Variants in TFRC observed in about 807,000 individuals in gnomAD.
TFRC encodes transferrin receptor protein 1.
A neutral mutation model predicts 85.8 loss-of-function variants in TFRC; 35 were observed. The ratio of observed to expected loss-of-function variants is 0.41; its 90% CI spans 0.31 to 0.54. The LOEUF is 0.54. Among genes scored for constraint, TFRC ranks in the 20% least tolerant of loss-of-function variants. The pLI, the probability that TFRC is intolerant of heterozygous loss-of-function variation, is 0.31. For missense variants in TFRC, 828 were observed against 921.5 expected (o/e 0.90, Z 1.31); for synonymous variants, 362 against 328.6 (o/e 1.10, Z -1.10).
intron 7 of TFRC, 56 bp downstream of exon 7, chr3:196,069,399 C>A: frequency 1.0e-6 from 1 of 998,638 alleles, no homozygotes; most frequent in Non-Finnish European, 1.5e-6. Context: ...TATCACTTAC[C>A]TGAAGAGTAA....
At chr3:196,071,934 C>T (rs1718243258) in intron 5 of TFRC, 69 bp downstream of exon 5, 2 of 1,538,196 alleles carry the variant, frequency 1.3e-6, no homozygotes, top group African/African-American at 1.4e-5. Flanking sequence ...AACAAAAAGT[C>T]TTTGCTATAT....
intron 16 of TFRC, among the ~76,000 whole-genome samples, chr3:196,057,632 C>T (rs1160079617): frequency 1.3e-5 from 2 of 151,908 alleles, no homozygotes; most frequent in African/African-American, 4.8e-5. Flanking sequence ...AAAGTTGACA[C>T]AAGAAGATCC....
In TFRC at chr3:196,055,108, T is replaced by G. The variant is rs1221918243; in HGVS notation, c.1871A>C (p.Asp624Ala). Residue 624 changes from aspartate (D) to alanine (A), a missense_variant, in exon 17 of 19, where the codon GAT becomes GCT. Coordinates refer to ENST00000360110, the MANE Select transcript of TFRC (RefSeq NM_001128148.3). Reference protein sequence around the residue: ...YNSQLLSFVRDLNQYRADIKE... With the variant: ...YNSQLLSFVRALNQYRADIKE... ...TATGTCTGCTCTGTATTGGTTCAGA[T>G]CCCTCACAAATGAAAGCAGTTGGCT... is the stretch of plus-strand genomic sequence containing the variant. 1.2e-6 allele frequency: 2 copies of G among 1,614,062 alleles called. No homozygotes were observed. The highest frequency in any genetic ancestry group is 1.7e-6 in the Non-Finnish European group (2 of 1,180,048).
At chr3:196,081,288 T>C (rs919969471) in intron 1 of TFRC, among the ~76,000 whole-genome samples, 1 of 152,204 alleles carries the variant, frequency 6.6e-6, no homozygotes, top group Non-Finnish European at 1.5e-5. Context: ...TCAGTCGGAT[T>C]CTGCCTTGAG....
intron 1 of TFRC, among the ~76,000 whole-genome samples, chr3:196,080,957 C>T (rs72547449): frequency 6.1e-4 from 93 of 152,268 alleles, no homozygotes; most frequent in African/African-American, 2.2e-3. Context: ...CTTTAATCCT[C>T]TTATCAACGG....
rs1362339928 is a variant in TFRC at position 196,051,630 on chromosome 3, C to T, written c.*312G>A. The T allele has an allele frequency of 5.6e-6, 2 of 354,262 alleles. No individual in the cohort carries two copies. The highest frequency in any genetic ancestry group is 1.0e-5 in the Non-Finnish European group (2 of 192,514). The allele number at this position is 354,262 out of a possible 1,614,324, so 21.9% of individuals were successfully genotyped here. A position where few individuals can be genotyped will look rare whatever the true frequency, so the allele number is the denominator to read the frequency against. Reference sequence around the variant, plus strand: ...CCTTAGGATTCAGAGAGATCATTCACATAACTGGTTTCTGACATTTTCATT... The same window carrying T: ...CCTTAGGATTCAGAGAGATCATTCATATAACTGGTTTCTGACATTTTCATT... On this transcript the variant is annotated 3_prime_UTR_variant, in exon 19 of 19. Transcript: ENST00000360110.
chr3:196,070,977 G>A (rs1052864949), intron 6 of TFRC, among the ~76,000 whole-genome samples: 8 of 151,970 alleles, frequency 5.3e-5, no homozygotes, highest in Non-Finnish European at 7.4e-5. Context: ...AAGCATTAAC[G>A]AATCAAGCTA....
rs397769060 is a variant in TFRC at position 196,075,891 on chromosome 3, G to GA, written c.37-532_37-531insT. On this transcript the variant is annotated intron_variant, in intron 2 of 18. Coordinates refer to ENST00000360110, the MANE Select transcript of TFRC (RefSeq NM_001128148.3). ...CTGTAATCCCAGCACTCTGGGGGGG[G>GA]CCGAGGCACACAGATCATTTATGGT... Among the ~76,000 whole-genome samples, 76 of 151,002 alleles carry GA rather than the reference G, an allele frequency of 5.0e-4. 1 individual carries two copies. In the South Asian group the frequency reaches 0.015, roughly 30 times the overall value.
chr3:196,067,718 T>A (rs1038792545), intron 8 of TFRC, 61 bp from the exon 9 acceptor site: 11 of 1,582,164 alleles, frequency 7.0e-6, no homozygotes, highest in Non-Finnish European at 6.0e-6. Context: ...CTCTGTAAGA[T>A]TCAGGTTTGG....
rs1281483074 is a variant in TFRC at position 196,052,105 on chromosome 3, T to C, written c.2120A>G (p.His707Arg). The C allele has an allele frequency of 6.2e-7, 1 of 1,614,088 alleles. No individual in the cohort carries two copies. Among genetic ancestry groups the C allele is most frequent in the South Asian group, 1.1e-5 (1 of 91,082 alleles). ...GTTCTCCAGTAAAGCTGGCAGCGTGTGAGAGCCGGAGCCCCAGAAGACATG... is the reference window on the plus strand; with the variant it reads ...GTTCTCCAGTAAAGCTGGCAGCGTGCGAGAGCCGGAGCCCCAGAAGACATG... ...FRHVFWGSGS[H>R]TLPALLENLK... is the part of the protein sequence containing the mutation. Residue 707 changes from histidine (H) to arginine (R), a missense_variant, in exon 19 of 19, where the codon CAC becomes CGC. By Grantham distance (29) the His-to-Arg change is conservative. Coordinates refer to ENST00000360110, the MANE Select transcript of TFRC (RefSeq NM_001128148.3).
intron 1 of TFRC, among the ~76,000 whole-genome samples, chr3:196,081,272 C>G (rs1191816949): frequency 6.6e-6 from 1 of 152,200 alleles, no homozygotes; most frequent in South Asian, 2.1e-4. Flanking sequence ...TGAACACCTG[C>G]GGCGTTCAGT....
rs1347808695 is a variant in TFRC at position 196,062,717 on chromosome 3, A to G, written c.1405-72T>C. The G allele has an allele frequency of 2.6e-6, 4 of 1,553,950 alleles. No homozygotes were observed. In the African/African-American group the frequency reaches 4.1e-5, roughly 16 times the overall value. ...TCACATACAGTAGCATTAGGGATTC[A>G]TTTTCAATTCTGGACTCTACTGAGA... is the stretch of plus-strand genomic sequence containing the variant. On this transcript the variant is annotated intron_variant, in intron 12 of 18. Transcript: ENST00000360110.
intron 11 of TFRC, 57 bp downstream of exon 11, chr3:196,064,252 C>T (rs1717523345): frequency 6.4e-7 from 1 of 1,550,860 alleles, no homozygotes; most frequent in African/African-American, 1.4e-5. Context: ...CACAGTATAA[C>T]ATCTAGAACT....
rs1320216207 is a variant in TFRC, at chr3:196,074,734, C to G, written c.238+425G>C. 2.0e-5 allele frequency among the ~76,000 whole-genome samples: 3 copies of G among 152,022 alleles called. No individual in the cohort carries two copies. In the East Asian group the frequency reaches 5.8e-4, roughly 29 times the overall value. Reference sequence around the variant, plus strand: ...TCTCTACTAAAAATACAAAAATTAGCCAGGTGTGGTGGTGCACGCCTGTAG... The same window carrying G: ...TCTCTACTAAAAATACAAAAATTAGGCAGGTGTGGTGGTGCACGCCTGTAG... On this transcript the variant is annotated intron_variant, in intron 3 of 18. Transcript: ENST00000360110.
In TFRC at chr3:196,055,308, G is replaced by C. The variant is rs769794098; in HGVS notation, c.1678-7C>G. ...AATAAGGATAATCTGTGTCCTGCAA[G>C]ACAACGCGAGGCTATGGTACTCACG... On this transcript the variant is annotated splice_region_variant and splice_polypyrimidine_tract_variant and intron_variant, in intron 16 of 18. Transcript: ENST00000360110. 2 of 1,610,758 alleles carry C rather than the reference G, an allele frequency of 1.2e-6. No homozygotes were observed. Among genetic ancestry groups the C allele is most frequent in the Non-Finnish European group, 1.7e-6 (2 of 1,176,994 alleles).
rs1181257630 is a variant in TFRC, at chr3:196,051,448, T to G, written c.*494A>C. 1 of 218,708 alleles carries G rather than the reference T, an allele frequency of 4.6e-6. No homozygotes were observed. The highest frequency in any genetic ancestry group is 9.2e-6 in the Non-Finnish European group (1 of 108,940). 13.5% of individuals were successfully genotyped at this position (218,708 alleles called of 1,614,324 possible). Reference sequence around the variant, plus strand: ...CCATCTCTTCTGAAAGTTAACTGTTTCTTTCAGGAATGAGGAAACCAGCTA... The same window carrying G: ...CCATCTCTTCTGAAAGTTAACTGTTGCTTTCAGGAATGAGGAAACCAGCTA... On this transcript the variant is annotated 3_prime_UTR_variant, in exon 19 of 19. Transcript: ENST00000360110.
At chr3:196,064,278 A>G (rs940281461) in intron 11 of TFRC, 31 bp downstream of exon 11, 1 of 1,597,622 alleles carries the variant, frequency 6.3e-7, no homozygotes, top group Non-Finnish European at 8.5e-7. Context: ...CAGTGCACCA[A>G]TATTCAAAAG....
intron 1 of TFRC, among the ~76,000 whole-genome samples, chr3:196,077,929 A>G (rs1718847695): frequency 6.6e-6 from 1 of 152,198 alleles, no homozygotes; most frequent in Non-Finnish European, 1.5e-5. Flanking sequence ...GAAACATGAA[A>G]CACAGATTAC....
intron 11 of TFRC, 44 bp downstream of exon 11, chr3:196,064,265 A>T: frequency 1.3e-6 from 2 of 1,586,424 alleles, no homozygotes; most frequent in Non-Finnish European, 1.7e-6. Flanking sequence ...CTAGAACTGT[A>T]TGCAGTGCAC....
Sources: gnomAD v4.1 joint callset for allele counts (sites outside exome capture counted in the v4.1 genomes callset) on GRCh38, gnomAD v4.1.1 for gene constraint, MANE v1.5 for transcripts, NCBI Gene and HGNC (gene_info 2026-07-23, HGNC 2026-07-21) for gene names.